Variants in HIP1 observed in about 807,000 individuals in gnomAD.
HIP1 encodes the protein huntingtin-interacting protein 1.
A neutral mutation model predicts 147.6 loss-of-function variants in HIP1; 65 were observed. The observed-to-expected ratio is 0.44, with a 90% CI of 0.36 to 0.54. HIP1 has a LOEUF of 0.54. Among genes scored for constraint, HIP1 ranks in the 20% least tolerant of loss-of-function variants. HIP1 has a pLI of 0.00. For missense variants in HIP1, 1,061 were observed against 1,299.6 expected, an observed-to-expected ratio of 0.82 and a Z score of 2.82; for synonymous variants, 479 against 504.0, an observed-to-expected ratio of 0.95 and a Z score of 0.67.
chr7:75,579,580 CT>C (rs1416486556), intron 7 of HIP1, among the ~76,000 whole-genome samples: 1 of 152,220 alleles, frequency 6.6e-6, no homozygotes, highest in Admixed American at 6.5e-5. Flanking sequence ...GCATGAGCCA[CT>C]GTGCCTGGCC....
At chr7:75,547,846 C>G in intron 23 of HIP1, 33 bp from the exon 24 acceptor site, 2 of 1,588,986 alleles carry the variant, frequency 1.3e-6, no homozygotes, top group South Asian at 2.2e-5. Context: ...CTAAATGTGC[C>G]TTGAATATTA....
At position 75,535,655 on chromosome 7, in the gene HIP1, C is replaced by T. The variant is rs587750922; in HGVS notation, c.*2517G>A. The T allele has an allele frequency of 5.5e-5, 10 of 181,898 alleles. No homozygotes were observed. The highest frequency in any genetic ancestry group is 3.9e-4 in the South Asian group (2 of 5,076). The allele number at this position is 181,898 out of a possible 1,614,324, so 11.3% of individuals were successfully genotyped here. On this transcript the variant is annotated 3_prime_UTR_variant, in exon 31 of 31. Coordinates refer to ENST00000336926, the MANE Select transcript of HIP1 (RefSeq NM_005338.7). Reference sequence around the variant, plus strand: ...GATTACAGGCATGCGCCACTGTGCCCGGCTGGGCAGAGAATCTTAATTTGA... The same window carrying T: ...GATTACAGGCATGCGCCACTGTGCCTGGCTGGGCAGAGAATCTTAATTTGA...
Position 75,592,430 on chromosome 7 carries a change from A to G in HIP1, c.269T>C (p.Val90Ala). The G allele has an allele frequency of 1.2e-6, 2 of 1,612,566 alleles. No homozygotes were observed. The highest frequency in any genetic ancestry group is 1.7e-6 in the Non-Finnish European group (2 of 1,179,702). The change falls in exon 3 of 31, where the codon GTG becomes GCG. Residue 90 changes from valine to alanine, a missense_variant. Physicochemically the swap from Val to Ala is moderately conservative, Grantham distance 64. This residue lies in a region of HIP1 where 225 missense variants were observed against 292.9 expected (regional missense o/e 0.77). Coordinates refer to ENST00000336926, the MANE Select transcript of HIP1 (RefSeq NM_005338.7). ...CACATGGCAGAACTTCCAGCAGAGC[A>G]CTGCGTTGCTAGACAGAGGCAGGCG... ...VNRLPLSSNAVLCWKFCHVFH... is the reference protein window; with the variant it reads ...VNRLPLSSNAALCWKFCHVFH...
intron 1 of HIP1, among the ~76,000 whole-genome samples, chr7:75,609,664 T>A (rs112508362): frequency 9.5e-4 from 144 of 152,078 alleles, no homozygotes; most frequent in African/African-American, 3.2e-3. Flanking sequence ...TTCAAGTGAT[T>A]CTTCTGCCTC....
intron 7 of HIP1, among the ~76,000 whole-genome samples, chr7:75,577,482 C>T (rs1158983124): frequency 2.6e-5 from 4 of 152,114 alleles, no homozygotes; most frequent in South Asian, 2.1e-4. Flanking sequence ...CAGAGCTACC[C>T]GACTATAACT....
chr7:75,539,387 T>C lies in HIP1; in HGVS notation c.2997A>G (p.Gln999=). 1 of 1,614,242 alleles carries C rather than the reference T, an allele frequency of 6.2e-7. No homozygotes were observed. Among genetic ancestry groups the C allele is most frequent in the Non-Finnish European group, 8.5e-7 (1 of 1,180,032 alleles). ...GCTTTTTCCGAAGCTCTCCCAGTTT[T>C]TGACGCTCCTTCTGCAATTCATTTT... The part of the protein sequence containing the change: ...ELENELQKER[Q]KLGELRKKHY... The change falls in exon 30 of 31, where the codon CAA becomes CAG. Residue 999 remains glutamine, a synonymous_variant. Coordinates refer to ENST00000336926, the MANE Select transcript of HIP1 (RefSeq NM_005338.7).
intron 29 of HIP1, among the ~76,000 whole-genome samples, chr7:75,540,196 C>T (rs1430536297): frequency 6.6e-6 from 1 of 151,656 alleles, no homozygotes. Context: ...GGGAGGCCAA[C>T]GTGGGTGGAT....
chr7:75,663,154 AT>A (rs1446733704), intron 1 of HIP1, among the ~76,000 whole-genome samples: 2 of 152,188 alleles, frequency 1.3e-5, no homozygotes, highest in African/African-American at 2.4e-5. Flanking sequence ...CCAAGAAAAC[AT>A]TCAGTGGGTG....
At chr7:75,723,458 T>C (rs1276676760) in intron 1 of HIP1, among the ~76,000 whole-genome samples, 3 of 152,112 alleles carry the variant, frequency 2.0e-5, no homozygotes, top group African/African-American at 7.2e-5. Flanking sequence ...GGGCTAAAAT[T>C]GGGGCATCAA....
intron 1 of HIP1, among the ~76,000 whole-genome samples, chr7:75,735,995 G>A (rs1479767266): frequency 2.0e-5 from 3 of 151,904 alleles, no homozygotes; most frequent in Non-Finnish European, 4.4e-5. Context: ...CACTTTGGGA[G>A]GCTGAGGTGG....
In HIP1 at chr7:75,537,414, AG is replaced by A. The variant is rs1794124000; in HGVS notation, c.*757del. On this transcript the variant is annotated 3_prime_UTR_variant, in exon 31 of 31. Transcript: ENST00000336926. ...GTGGAGGCGGAGATGGAGCACCGAG[AG>A]GCCTGGGCAGCACCATCGCTGGAGC... The A allele has an allele frequency of 8.6e-6, 2 of 232,690 alleles. No homozygotes were observed. The highest frequency in any genetic ancestry group is 4.4e-5 in the African/African-American group (2 of 45,212). 14.4% of individuals were successfully genotyped at this position (232,690 alleles called of 1,614,324 possible). A position where few individuals can be genotyped will look rare whatever the true frequency, so the allele number is the denominator to read the frequency against.
chr7:75,725,428 T>C (rs1801622544), intron 1 of HIP1, among the ~76,000 whole-genome samples: 1 of 152,158 alleles, frequency 6.6e-6, no homozygotes. Flanking sequence ...TTACCGAGGC[T>C]AGCAGAACGC....
At chr7:75,584,700 A>G (rs1265626353) in intron 5 of HIP1, among the ~76,000 whole-genome samples, 2 of 151,940 alleles carry the variant, frequency 1.3e-5, no homozygotes, top group African/African-American at 4.8e-5. Context: ...GGCCTCTATC[A>G]GCCCCGCAGC....
rs1426053443 is a variant in HIP1 at position 75,712,459 on chromosome 7, G to GA, written c.120+26341dup. 6.6e-5 allele frequency among the ~76,000 whole-genome samples: 10 copies of GA among 152,248 alleles called. No individual in the cohort carries two copies. In the East Asian group the frequency reaches 1.7e-3, roughly 26 times the overall value. ...GTGGCTCACACTCCAATAGTAGGGG[G>GA]AAAAATCACAAAGGGGTGTGTGTTT... On this transcript the variant is annotated intron_variant, in intron 1 of 30. Coordinates refer to ENST00000336926, the MANE Select transcript of HIP1 (RefSeq NM_005338.7).
intron 1 of HIP1, among the ~76,000 whole-genome samples, chr7:75,727,025 T>C (rs1369877445): frequency 1.3e-5 from 2 of 152,246 alleles, no homozygotes; most frequent in East Asian, 1.9e-4. Flanking sequence ...CTAATGAAGC[T>C]GCACACCATT....
intron 1 of HIP1, among the ~76,000 whole-genome samples, chr7:75,708,741 T>A (rs1190715533): frequency 6.6e-6 from 1 of 152,158 alleles, no homozygotes; most frequent in Non-Finnish European, 1.5e-5. Context: ...AGTACCACAC[T>A]GTTTTAATTA....
chr7:75,609,557 T>G (rs587632655), intron 1 of HIP1, among the ~76,000 whole-genome samples: 1 of 151,786 alleles, frequency 6.6e-6, no homozygotes, highest in East Asian at 1.9e-4. Context: ...CCGTTTTCTT[T>G]TTTTTTCTTT....
intron 1 of HIP1, among the ~76,000 whole-genome samples, chr7:75,673,903 T>C (rs2117252119): frequency 6.6e-6 from 1 of 151,766 alleles, no homozygotes. Flanking sequence ...GGAGAATCAC[T>C]TTAGCCCAGG....
chr7:75,565,394 C>A (rs112042631), intron 9 of HIP1, among the ~76,000 whole-genome samples: 1 of 152,194 alleles, frequency 6.6e-6, no homozygotes, highest in Admixed American at 6.6e-5. Context: ...CACAAGCTAC[C>A]GGAATTTGAC....
Sources: gnomAD v4.1 joint callset for allele counts (sites outside exome capture counted in the v4.1 genomes callset) on GRCh38, gnomAD v4.1.1 for gene constraint, gnomAD v4.1.1 regional missense constraint, MANE v1.5 for transcripts, NCBI Gene and HGNC (gene_info 2026-07-23, HGNC 2026-07-21) for gene names.